Variants in PCDH11X observed in about 807,000 individuals in gnomAD.
PCDH11X encodes the protein protocadherin-11 X-linked.
In PCDH11X, 18 loss-of-function variants were observed where a neutral mutation model predicts 53.3. That is an observed-to-expected ratio of 0.34 (90% CI 0.23 to 0.50). PCDH11X has a LOEUF of 0.50. Ranked by LOEUF, PCDH11X falls within the 20% of genes least tolerant of loss-of-function variation. The pLI is 0.98. For missense variants in PCDH11X, 570 were observed against 1,032.4 expected (o/e 0.55, Z 6.14); for synonymous variants, 279 against 393.3 (o/e 0.71, Z 3.44).
intron 7 of PCDH11X, among the ~76,000 whole-genome samples, chrX:92,204,365 G>T (rs1195153059): frequency 9.0e-6 from 1 of 111,727 alleles, no homozygotes; most frequent in Non-Finnish European, 1.9e-5. Flanking sequence ...AATTTCTTCT[G>T]CCAGACACCA....
Position 91,934,753 on chromosome X carries a change from A to G in PCDH11X, c.3033+55480A>G, listed in dbSNP as rs1019853501. Among the ~76,000 whole-genome samples the G allele has an allele frequency of 4.7e-5, 5 of 107,520 alleles. No individual in the cohort carries two copies. In the Admixed American group the frequency reaches 5.1e-4, roughly 11 times the overall value. The allele number at this position is 107,520 out of a possible 115,157, so 93.4% of individuals were successfully genotyped here. On this transcript the variant is annotated intron_variant, in intron 6 of 10. Coordinates refer to ENST00000682573, the MANE Select transcript of PCDH11X (RefSeq NM_032968.5). The stretch of plus-strand genomic sequence containing the variant: ...TGGAACCATCAAATTGTTGTTGTTC[A>G]TATACATTATATGGCAGCAATTCCA...
intron 9 of PCDH11X, among the ~76,000 whole-genome samples, chrX:92,388,263 A>C (rs1482348199): frequency 9.0e-6 from 1 of 111,168 alleles, no homozygotes; most frequent in Non-Finnish European, 1.9e-5. Context: ...TGAAGGTATA[A>C]ATTTTTTCTT....
chrX:92,274,078 GT>G (rs1195071973), intron 8 of PCDH11X, among the ~76,000 whole-genome samples: 1 of 106,121 alleles, frequency 9.4e-6, no homozygotes, highest in Non-Finnish European at 1.9e-5. Context: ...GGGATGACAA[GT>G]TTTTTTGGGG....
intron 7 of PCDH11X, among the ~76,000 whole-genome samples, chrX:92,262,326 G>A (rs2067735216): frequency 9.0e-6 from 1 of 111,431 alleles, no homozygotes; most frequent in Admixed American, 9.5e-5. Flanking sequence ...AGATTGCGGA[G>A]AACAGACTTT....
chrX:91,802,821 G>A (rs904203021), intron 1 of PCDH11X, among the ~76,000 whole-genome samples: 17 of 111,365 alleles, frequency 1.5e-4, no homozygotes, highest in Admixed American at 6.7e-4. Context: ...ATTATCAGTG[G>A]AACTATCTTC....
At chrX:91,869,043 A>G (rs1338443081) in intron 5 of PCDH11X, among the ~76,000 whole-genome samples, 2 of 111,544 alleles carry the variant, frequency 1.8e-5, no homozygotes, top group East Asian at 5.6e-4. Flanking sequence ...ATAGCACTCA[A>G]TATTTATTCA....
At position 91,962,678 on chromosome X, in the gene PCDH11X, C is replaced by T. The variant is rs188652924; in HGVS notation, c.3033+83405C>T. Among the ~76,000 whole-genome samples the T allele has an allele frequency of 4.7e-3, 520 of 111,575 alleles. 6 individuals are homozygous for T. Among genetic ancestry groups the T allele is most frequent in the African/African-American group, 0.016 (494 of 30,692 alleles). On this transcript the variant is annotated intron_variant, in intron 6 of 10. Coordinates refer to ENST00000682573, the MANE Select transcript of PCDH11X (RefSeq NM_032968.5). ...ACTCTTTTTGGGGCCTCTTACCCCACATTTCACTTCTGCACTGCACTAGCA... is the reference window on the plus strand; with the variant it reads ...ACTCTTTTTGGGGCCTCTTACCCCATATTTCACTTCTGCACTGCACTAGCA...
intron 6 of PCDH11X, among the ~76,000 whole-genome samples, chrX:92,200,887 ATTTTATTTTAT>A (rs1221625908): frequency 2.1e-4 from 1 of 4,876 alleles, no homozygotes; most frequent in Non-Finnish European, 2.5e-3. Context: ...TTTTATCTTT[ATTTTATTTTAT>A]TTTATTTTAT....
At chrX:92,382,086 A>G (rs1371164525) in intron 8 of PCDH11X, among the ~76,000 whole-genome samples, 2 of 111,191 alleles carry the variant, frequency 1.8e-5, no homozygotes, top group Non-Finnish European at 3.8e-5. Context: ...TACCTATGGG[A>G]AAAAAATGCA....
intron 6 of PCDH11X, among the ~76,000 whole-genome samples, chrX:92,002,371 T>G (rs2062525062): frequency 9.2e-6 from 1 of 109,087 alleles, no homozygotes; most frequent in South Asian, 4.0e-4. Flanking sequence ...AGAATAGCTT[T>G]GGCTATTCTG....
chrX:91,884,190 C>CAA (rs34953838), intron 6 of PCDH11X, among the ~76,000 whole-genome samples: 781 of 37,392 alleles, frequency 0.021, 24 homozygotes, highest in African/African-American at 0.067. Context: ...GACTCCGTCT[C>CAA]AAAAAAAAAA....
intron 8 of PCDH11X, among the ~76,000 whole-genome samples, chrX:92,340,359 T>C (rs2069725545): frequency 8.9e-6 from 1 of 111,950 alleles, no homozygotes. Context: ...GTAGGGACTC[T>C]GTGGGGGCTC....
chrX:92,162,482 G>A (rs1360971330), intron 6 of PCDH11X, among the ~76,000 whole-genome samples: 4 of 111,370 alleles, frequency 3.6e-5, no homozygotes, highest in African/African-American at 6.5e-5. Flanking sequence ...GTGAGCCACC[G>A]CTCCTGGACA....
chrX:92,054,841 A>G (rs972842108), intron 6 of PCDH11X, among the ~76,000 whole-genome samples: 1 of 103,352 alleles, frequency 9.7e-6, no homozygotes. Flanking sequence ...AAAAAAAAAA[A>G]AAAGAAAAGA....
intron 9 of PCDH11X, among the ~76,000 whole-genome samples, chrX:92,456,136 T>A (rs1285168764): frequency 9.0e-6 from 1 of 111,530 alleles, no homozygotes; most frequent in African/African-American, 3.3e-5. Flanking sequence ...TTCTTAGGGA[T>A]CGGGGATATA....
At chrX:92,254,217 G>GT (rs1328101725) in intron 7 of PCDH11X, among the ~76,000 whole-genome samples, 1 of 111,867 alleles carries the variant, frequency 8.9e-6, no homozygotes, top group Admixed American at 9.5e-5. Flanking sequence ...TTGATACAAT[G>GT]TATCACATTG....
chrX:91,940,897 T>C (rs2061501179), intron 6 of PCDH11X, among the ~76,000 whole-genome samples: 1 of 109,410 alleles, frequency 9.1e-6, no homozygotes. Flanking sequence ...CTGAAGGCAG[T>C]CTGTGATAAG....
rs1019904513 is a variant in PCDH11X, at chrX:91,987,321, A to T, written c.3033+108048A>T. Among the ~76,000 whole-genome samples the T allele has an allele frequency of 4.0e-4, 44 of 111,313 alleles. No homozygotes were observed. In the East Asian group the frequency reaches 7.1e-3, roughly 18 times the overall value. On this transcript the variant is annotated intron_variant, in intron 6 of 10. Transcript: ENST00000682573. ...GGTCTGGAACTCCTGACCTCAAGTG[A>T]TCCACCTGCCTCATTCTCCCAGAGT...
At chrX:92,414,159 G>T (rs2071754272) in intron 9 of PCDH11X, among the ~76,000 whole-genome samples, 1 of 100,869 alleles carries the variant, frequency 9.9e-6, no homozygotes, top group Admixed American at 1.1e-4. Context: ...CCTATTGGTG[G>T]TTAGTGAGGG....
Sources: gnomAD v4.1 joint callset for allele counts (sites outside exome capture counted in the v4.1 genomes callset) on GRCh38, gnomAD v4.1.1 for gene constraint, MANE v1.5 for transcripts, NCBI Gene and HGNC (gene_info 2026-07-23, HGNC 2026-07-21) for gene names.